The following CD58 variants were observed in gnomAD, a reference collection of about 807,000 sequenced individuals.
The protein encoded by CD58 is lymphocyte function-associated antigen 3.
CD58 carries 14 observed loss-of-function variants against 27.6 expected under a neutral mutation model. The observed-to-expected ratio is 0.51, with a 90% CI of 0.34 to 0.79. The LOEUF (loss-of-function observed/expected upper bound fraction) is 0.79, where lower values mean the gene tolerates loss of function less well. CD58 is among the 30% of genes least tolerant of loss of function. CD58 has a pLI of 0.02. For synonymous variants in CD58, 117 were observed against 103.8 expected (o/e 1.13, Z -0.77); for missense variants, 268 against 301.7 (o/e 0.89, Z 0.83).
Position 116,563,976 on chromosome 1 carries a change from A to C in CD58, c.70+6927T>G, listed in dbSNP as rs1486414935. ...TTTCTATTGCATCATTGGGCTGCAA[A>C]TTTTTTGAACTTTTATGCCCTGCTA... On this transcript the variant is annotated intron_variant, in intron 1 of 5. Transcript: ENST00000369489. The surrounding 1 kb of genome is among the most constrained non-coding windows in gnomAD (Gnocchi z 4.1). Among the ~76,000 whole-genome samples the C allele has an allele frequency of 6.6e-6, 1 of 152,164 alleles. No individual in the cohort carries two copies.
intron 5 of CD58, chr1:116,518,766 C>G (rs754156942): frequency 6.0e-6 from 6 of 998,530 alleles, no homozygotes; most frequent in Non-Finnish European, 7.2e-6. Flanking sequence ...TATGTGACTA[C>G]AGGCCCAGCT....
At position 116,523,087 on chromosome 1, in the gene CD58, G is replaced by A. The variant is rs1289803398; in HGVS notation, c.629-1104C>T. Among the ~76,000 whole-genome samples the A allele has an allele frequency of 6.6e-6, 1 of 152,146 alleles. No homozygotes were observed. The highest frequency in any genetic ancestry group is 6.5e-5 in the Admixed American group (1 of 15,272). On this transcript the variant is annotated intron_variant, in intron 3 of 5. Coordinates refer to ENST00000369489, the MANE Select transcript of CD58 (RefSeq NM_001779.3). The surrounding 1 kb of genome is among the most constrained non-coding windows in gnomAD (Gnocchi z 4.4). The stretch of plus-strand genomic sequence containing the variant: ...ATCTCTATTAATATCTTGTGACTCT[G>A]CAATTCCATTTCTAAGATGTTATCC...
chr1:116,522,001 A>G lies in CD58; in HGVS notation c.629-18T>C. 7.1e-7 allele frequency: 1 copy of G among 1,404,548 alleles called. No individual in the cohort carries two copies. The highest frequency in any genetic ancestry group is 1.4e-5 in the African/African-American group (1 of 70,238). The allele number at this position is 1,404,548 out of a possible 1,614,324, so 87.0% of individuals were successfully genotyped here. ...TGAATGACCTATAAAAAAGAAAAGA[A>G]AAGAAATTCAACTAGTTGAACTGAT... On this transcript the variant is annotated intron_variant, in intron 3 of 5. Coordinates refer to ENST00000369489, the MANE Select transcript of CD58 (RefSeq NM_001779.3). This position sits in a 1 kb window ranked among gnomAD's most constrained non-coding sequence, Gnocchi z 4.6.
chr1:116,525,537 T>C (rs1657400966), intron 3 of CD58, among the ~76,000 whole-genome samples: 1 of 152,214 alleles, frequency 6.6e-6, no homozygotes, highest in African/African-American at 2.4e-5. Flanking sequence ...TTTAATGCCT[T>C]CGGGTAAATA....
At chr1:116,537,415 A>G (rs975302214) in intron 2 of CD58, among the ~76,000 whole-genome samples, 7 of 152,230 alleles carry the variant, frequency 4.6e-5, no homozygotes, top group African/African-American at 1.7e-4. Flanking sequence ...CGTCTGACTC[A>G]AAGCATTTTG....
At position 116,526,436 on chromosome 1, in the gene CD58, G is replaced by A. The variant is rs548845752; in HGVS notation, c.629-4453C>T. ...TCCAGTTGTTACAGCACTATTTGTT[G>A]AAAAGATCATCTTTGCTCCATTGTA... On this transcript the variant is annotated intron_variant, in intron 3 of 5. Transcript: ENST00000369489. Among the ~76,000 whole-genome samples, 15 of 152,278 alleles carry A rather than the reference G, an allele frequency of 9.9e-5. No homozygotes were observed. In the East Asian group the frequency reaches 1.4e-3, roughly 14 times the overall value.
In CD58 at chr1:116,550,160, G is replaced by A. The variant is rs1658344042; in HGVS notation, c.71-5556C>T. 6.6e-6 allele frequency among the ~76,000 whole-genome samples: 1 copy of A among 152,210 alleles called. No individual in the cohort carries two copies. The highest frequency in any genetic ancestry group is 1.5e-5 in the Non-Finnish European group (1 of 68,034). On this transcript the variant is annotated intron_variant, in intron 1 of 5. Transcript: ENST00000369489. The surrounding 1 kb of genome is among the most constrained non-coding windows in gnomAD (Gnocchi z 4.2). ...TTGGTTGCTAAAGGCTGCAATGGCTGTGGCAATTTCTTAAAAGAAGACAAT... is the reference window on the plus strand; with the variant it reads ...TTGGTTGCTAAAGGCTGCAATGGCTATGGCAATTTCTTAAAAGAAGACAAT...
chr1:116,553,366 T>C (rs1396929991), intron 1 of CD58, among the ~76,000 whole-genome samples: 1 of 152,116 alleles, frequency 6.6e-6, no homozygotes, highest in Admixed American at 6.6e-5. Context: ...TAAGACTAGA[T>C]AGCAAGAGAT....
chr1:116,569,598 C>CTTTTTTT (rs35150803), intron 1 of CD58, among the ~76,000 whole-genome samples: 1 of 110,952 alleles, frequency 9.0e-6, no homozygotes, highest in African/African-American at 3.7e-5. Flanking sequence ...CACAGCTCAC[C>CTTTTTTT]TTTTTTTTTT....
Position 116,568,054 on chromosome 1 carries a change from C to T in CD58, c.70+2849G>A, listed in dbSNP as rs1316009741. On this transcript the variant is annotated intron_variant, in intron 1 of 5. Coordinates refer to ENST00000369489, the MANE Select transcript of CD58 (RefSeq NM_001779.3). Reference sequence around the variant, plus strand: ...TCAAAAATGATGATGTCTTAAAGTACCAAAAAAAAAAAAAAAAAAAAGCAA... The same window carrying T: ...TCAAAAATGATGATGTCTTAAAGTATCAAAAAAAAAAAAAAAAAAAAGCAA... Among the ~76,000 whole-genome samples, 158 of 74,730 alleles carry T rather than the reference C, an allele frequency of 2.1e-3. 1 individual carries two copies. Among genetic ancestry groups the T allele is most frequent in the African/African-American group, 0.011 (151 of 14,378 alleles). 49.0% of individuals were successfully genotyped at this position (74,730 alleles called of 152,430 possible).
At chr1:116,566,177 T>C (rs1424235970) in intron 1 of CD58, among the ~76,000 whole-genome samples, 1 of 152,248 alleles carries the variant, frequency 6.6e-6, no homozygotes, top group Non-Finnish European at 1.5e-5. Flanking sequence ...AAAGGAACTG[T>C]AAAGAAATCT....
At chr1:116,554,575 T>G (rs1308397048) in intron 1 of CD58, among the ~76,000 whole-genome samples, 1 of 152,016 alleles carries the variant, frequency 6.6e-6, no homozygotes, top group Non-Finnish European at 1.5e-5. Flanking sequence ...CATGTGTACA[T>G]GCATTCTCAC....
rs754717819 is a variant in CD58 at position 116,565,564 on chromosome 1, G to A, written c.70+5339C>T. Among the ~76,000 whole-genome samples the A allele has an allele frequency of 1.8e-4, 28 of 151,856 alleles. 1 individual carries two copies. Among genetic ancestry groups the A allele is most frequent in the Admixed American group, 3.9e-4 (6 of 15,254 alleles). On this transcript the variant is annotated intron_variant, in intron 1 of 5. Transcript: ENST00000369489. Reference sequence around the variant, plus strand: ...ACTGTACAGCTGTGAAAAAGAATGAGGTGGATCTCTATGAAGTGATAGGGA... The same window carrying A: ...ACTGTACAGCTGTGAAAAAGAATGAAGTGGATCTCTATGAAGTGATAGGGA...
Position 116,559,321 on chromosome 1 carries a change from C to T in CD58, c.70+11582G>A, listed in dbSNP as rs1227616118. Reference sequence around the variant, plus strand: ...GGTTGATAGAGAAGGTCAAAGATTCCGAAGCACCAGGCTACAGATGAAGAA... The same window carrying T: ...GGTTGATAGAGAAGGTCAAAGATTCTGAAGCACCAGGCTACAGATGAAGAA... On this transcript the variant is annotated intron_variant, in intron 1 of 5. Transcript: ENST00000369489. The surrounding 1 kb of genome is among the most constrained non-coding windows in gnomAD (Gnocchi z 4.4). Among the ~76,000 whole-genome samples, 6 of 152,198 alleles carry T rather than the reference C, an allele frequency of 3.9e-5. No individual in the cohort carries two copies. The East Asian group carries it at 9.6e-4, about 24-fold the overall frequency.
Position 116,532,166 on chromosome 1 carries a change from G to A in CD58, c.628+3799C>T, listed in dbSNP as rs1464417621. 1.3e-5 allele frequency among the ~76,000 whole-genome samples: 2 copies of A among 152,266 alleles called. No homozygotes were observed. Among genetic ancestry groups the A allele is most frequent in the East Asian group, 3.8e-4 (2 of 5,202 alleles). On this transcript the variant is annotated intron_variant, in intron 3 of 5. Coordinates refer to ENST00000369489, the MANE Select transcript of CD58 (RefSeq NM_001779.3). This position sits in a 1 kb window ranked among gnomAD's most constrained non-coding sequence, Gnocchi z 5.1. ...TCTTCAGCCCTGGTGGCAGGAAGCA[G>A]TGTTTCTTCCGCACAGCCCTTGCTC...
Position 116,559,099 on chromosome 1 carries a change from AAGC to A in CD58, c.70+11801_70+11803del, listed in dbSNP as rs1658672232. On this transcript the variant is annotated intron_variant, in intron 1 of 5. Coordinates refer to ENST00000369489, the MANE Select transcript of CD58 (RefSeq NM_001779.3). The surrounding 1 kb of genome is among the most constrained non-coding windows in gnomAD (Gnocchi z 4.4). ...ATGTTAAGTGCTATAGAGAAAAATA[AAGC>A]AGAGTGTGGGGGCTGAGGAGTACTG... Among the ~76,000 whole-genome samples, 1 of 152,158 alleles carries A rather than the reference AAGC, an allele frequency of 6.6e-6. No individual in the cohort carries two copies. Among genetic ancestry groups the A allele is most frequent in the African/African-American group, 2.4e-5 (1 of 41,416 alleles).
Position 116,524,477 on chromosome 1 carries a change from AT to A in CD58, c.629-2495del, listed in dbSNP as rs1266925999. Among the ~76,000 whole-genome samples the A allele has an allele frequency of 6.6e-6, 1 of 152,234 alleles. No homozygotes were observed. The highest frequency in any genetic ancestry group is 2.4e-5 in the African/African-American group (1 of 41,454). On this transcript the variant is annotated intron_variant, in intron 3 of 5. Coordinates refer to ENST00000369489, the MANE Select transcript of CD58 (RefSeq NM_001779.3). This position sits in a 1 kb window ranked among gnomAD's most constrained non-coding sequence, Gnocchi z 4.6. ...AAATACATTAATGGGTCATGCTGGC[AT>A]TATGCTGAACCCTATTAAGCTGCCA...
chr1:116,568,135 GC>G (rs1451997275), intron 1 of CD58, among the ~76,000 whole-genome samples: 1 of 151,564 alleles, frequency 6.6e-6, no homozygotes, highest in African/African-American at 2.4e-5. Flanking sequence ...AGTATGTGGT[GC>G]AGGACTGGCT....
rs1658408875 is a variant in CD58 at position 116,552,012 on chromosome 1, T to C, written c.71-7408A>G. ...ACCTTGGCCTCCCAAAGTGCTGGGA[T>C]TACAGTTGTGAGCCACCACGCCCGG... On this transcript the variant is annotated intron_variant, in intron 1 of 5. Coordinates refer to ENST00000369489, the MANE Select transcript of CD58 (RefSeq NM_001779.3). This position sits in a 1 kb window ranked among gnomAD's most constrained non-coding sequence, Gnocchi z 4.5. Among the ~76,000 whole-genome samples the C allele has an allele frequency of 6.6e-6, 1 of 152,226 alleles. No homozygotes were observed. The highest frequency in any genetic ancestry group is 1.5e-5 in the Non-Finnish European group (1 of 68,046).
Sources: gnomAD v4.1 joint callset for allele counts (sites outside exome capture counted in the v4.1 genomes callset) on GRCh38, gnomAD v4.1.1 for gene constraint, Gnocchi (gnomAD v3.1) non-coding constraint, MANE v1.5 for transcripts, NCBI Gene and HGNC (gene_info 2026-07-23, HGNC 2026-07-21) for gene names.